KCNIP3: variants seen among roughly 807,000 people sequenced by gnomAD.
The protein encoded by KCNIP3 is calsenilin.
In KCNIP3, 28 loss-of-function variants were observed where a neutral mutation model predicts 35.0. The ratio of observed to expected loss-of-function variants is 0.80; its 90% CI spans 0.59 to 1.10. The LOEUF (loss-of-function observed/expected upper bound fraction) is 1.10. Among genes scored for constraint, KCNIP3 ranks in the 50% least tolerant of loss-of-function variants. The pLI is 0.00. For synonymous variants in KCNIP3, 134 were observed against 133.8 expected (o/e 1.00, Z -0.01); for missense variants, 295 against 338.4 (o/e 0.87, Z 1.01).
In KCNIP3 at chr2:95,325,627, T is replaced by G. The variant is rs1487943326; in HGVS notation, c.181+15107T>G. On this transcript the variant is annotated intron_variant, in intron 2 of 8. Transcript: ENST00000295225. Reference sequence around the variant, plus strand: ...CTCATACACACGTACACACACACACTCACACACACACACGCATACACACAA... The same window carrying G: ...CTCATACACACGTACACACACACACGCACACACACACACGCATACACACAA... Among the ~76,000 whole-genome samples, 6 of 145,184 alleles carry G rather than the reference T, an allele frequency of 4.1e-5. No homozygotes were observed. The East Asian group carries it at 6.1e-4, about 15-fold the overall frequency.
At chr2:95,358,839 G>A (rs549679486) in intron 2 of KCNIP3, among the ~76,000 whole-genome samples, 12 of 152,164 alleles carry the variant, frequency 7.9e-5, no homozygotes, top group Admixed American at 7.2e-4. Flanking sequence ...ATTTCTTAAA[G>A]GTCCCACCTC....
At chr2:95,337,240 G>T (rs1049441752) in intron 2 of KCNIP3, among the ~76,000 whole-genome samples, 17 of 152,080 alleles carry the variant, frequency 1.1e-4, no homozygotes, top group African/African-American at 3.9e-4. Context: ...TCCATTCAGT[G>T]CGATTCTCTT....
At chr2:95,355,111 C>G (rs1679623513) in intron 2 of KCNIP3, 1 of 152,258 alleles carries the variant, frequency 6.6e-6, no homozygotes. Context: ...CACCGGCACA[C>G]CTGCCCTGAA....
chr2:95,321,543 T>C (rs901292540), intron 2 of KCNIP3, among the ~76,000 whole-genome samples: 1 of 152,128 alleles, frequency 6.6e-6, no homozygotes, highest in African/African-American at 2.4e-5. Flanking sequence ...TGACACAGCG[T>C]CATTCTGACG....
chr2:95,340,080 G>A (rs1306129838), intron 2 of KCNIP3, among the ~76,000 whole-genome samples: 1 of 152,228 alleles, frequency 6.6e-6, no homozygotes, highest in Non-Finnish European at 1.5e-5. Flanking sequence ...GCTCATGCCT[G>A]TAATCACAGC....
chr2:95,322,984 T>C (rs539627945), intron 2 of KCNIP3, among the ~76,000 whole-genome samples: 2 of 152,310 alleles, frequency 1.3e-5, no homozygotes, highest in East Asian at 3.9e-4. Context: ...ACCCAGGAAT[T>C]TGGGATTCTC....
At chr2:95,315,858 C>G (rs749843948) in intron 2 of KCNIP3, among the ~76,000 whole-genome samples, 30 of 152,352 alleles carry the variant, frequency 2.0e-4, no homozygotes, top group Non-Finnish European at 2.8e-4. Context: ...CCTGCGCCCT[C>G]CAGACCTGCC....
chr2:95,297,553 C>A, intron 1 of KCNIP3, 100 bp downstream of exon 1: 3 of 927,254 alleles, frequency 3.2e-6, no homozygotes, highest in Non-Finnish European at 4.9e-6. Context: ...TTTTCTTTGA[C>A]CCTTGTCCCC....
In KCNIP3 at chr2:95,325,583, G is replaced by A. The variant is rs1292420999; in HGVS notation, c.181+15063G>A. 2.6e-5 allele frequency among the ~76,000 whole-genome samples: 4 copies of A among 151,732 alleles called. 1 individual carries two copies. Among genetic ancestry groups the A allele is most frequent in the South Asian group, 4.2e-4 (2 of 4,808 alleles). ...AGGGGGCAGGTCAGGGCACATGCAC[G>A]CACACACGCACTCACACACTCATAC... On this transcript the variant is annotated intron_variant, in intron 2 of 8. Coordinates refer to ENST00000295225, the MANE Select transcript of KCNIP3 (RefSeq NM_013434.5).
intron 2 of KCNIP3, among the ~76,000 whole-genome samples, chr2:95,337,674 C>T (rs1161752312): frequency 6.6e-6 from 1 of 152,210 alleles, no homozygotes; most frequent in East Asian, 1.9e-4. Flanking sequence ...TTTACAGTTG[C>T]AGACATTGAG....
chr2:95,331,945 G>A (rs1194929396), intron 2 of KCNIP3, among the ~76,000 whole-genome samples: 3 of 152,236 alleles, frequency 2.0e-5, no homozygotes, highest in African/African-American at 2.4e-5. Flanking sequence ...GAGTAGGGAC[G>A]CTGACATGCA....
chr2:95,350,866 C>G lies in KCNIP3; in HGVS notation c.182-23430C>G, dbSNP rs547528811. 9.1e-4 allele frequency among the ~76,000 whole-genome samples: 138 copies of G among 152,348 alleles called. 1 individual carries two copies. The highest frequency in any genetic ancestry group is 1.5e-3 in the Non-Finnish European group (99 of 68,030). On this transcript the variant is annotated intron_variant, in intron 2 of 8. Coordinates refer to ENST00000295225, the MANE Select transcript of KCNIP3 (RefSeq NM_013434.5). ...ATTTTTAGGAGTTTCTTGGGGGACT[C>G]TCTGTCCTGGGTCCCCCATCAGTGC...
intron 1 of KCNIP3, among the ~76,000 whole-genome samples, chr2:95,301,289 GC>G (rs1238686229): frequency 6.6e-6 from 1 of 152,260 alleles, no homozygotes; most frequent in Non-Finnish European, 1.5e-5. Context: ...TGCCAGCAGT[GC>G]CCCACATGTG....
intron 2 of KCNIP3, among the ~76,000 whole-genome samples, chr2:95,326,188 C>T (rs1489557072): frequency 6.6e-6 from 1 of 151,590 alleles, no homozygotes; most frequent in Non-Finnish European, 1.5e-5. Flanking sequence ...CACAGTCATA[C>T]ACACATACAC....
chr2:95,316,321 T>TGCA, intron 2 of KCNIP3, among the ~76,000 whole-genome samples: 1 of 152,224 alleles, frequency 6.6e-6, no homozygotes, highest in African/African-American at 2.4e-5. Context: ...CACCGCACCT[T>TGCA]CCTTTACTGG....
rs753307238 is a variant in KCNIP3 at position 95,374,891 on chromosome 2, T to C, written c.350T>C (p.Ile117Thr). The part of the protein sequence containing the change: ...GLVDEDTFKL[I>T]YAQFFPQGDA... Reference sequence around the variant, plus strand: ...GTGGACGAAGACACCTTCAAACTCATTTACGCGCAGTTCTTCCCTCAGGGA... The same window carrying C: ...GTGGACGAAGACACCTTCAAACTCACTTACGCGCAGTTCTTCCCTCAGGGA... Residue 117 changes from isoleucine to threonine, a missense_variant, in exon 4 of 9, where the codon ATT becomes ACT. Coordinates refer to ENST00000295225, the MANE Select transcript of KCNIP3 (RefSeq NM_013434.5). 6 of 1,613,892 alleles carry C rather than the reference T, an allele frequency of 3.7e-6. No individual in the cohort carries two copies. The African/African-American group carries it at 8.0e-5, about 22-fold the overall frequency.
chr2:95,347,299 C>T (rs1398909857), intron 2 of KCNIP3, among the ~76,000 whole-genome samples: 2 of 152,160 alleles, frequency 1.3e-5, no homozygotes, highest in Non-Finnish European at 2.9e-5. Flanking sequence ...CCCAGGAAGC[C>T]CCAGAGGGGA....
At chr2:95,364,802 A>C (rs1679880736) in intron 2 of KCNIP3, among the ~76,000 whole-genome samples, 1 of 152,174 alleles carries the variant, frequency 6.6e-6, no homozygotes, top group African/African-American at 2.4e-5. Context: ...CTTTGTGTAC[A>C]TCCTGCAGAA....
intron 2 of KCNIP3, among the ~76,000 whole-genome samples, chr2:95,319,697 A>T (rs536187710): frequency 3.3e-5 from 5 of 152,196 alleles, no homozygotes; most frequent in African/African-American, 1.2e-4. Context: ...TATTGCCATG[A>T]TGTTGCCATA....
Sources: gnomAD v4.1 joint callset for allele counts (sites outside exome capture counted in the v4.1 genomes callset) on GRCh38, gnomAD v4.1.1 for gene constraint, MANE v1.5 for transcripts, NCBI Gene and HGNC (gene_info 2026-07-23, HGNC 2026-07-21) for gene names.